Variants in TSPAN5 observed in about 807,000 individuals in gnomAD.
TSPAN5 encodes tetraspanin 5.
TSPAN5 carries 10 observed loss-of-function variants against 37.1 expected under a neutral mutation model. The ratio of observed to expected loss-of-function variants is 0.27; its 90% confidence interval spans 0.17 to 0.46. TSPAN5 has a LOEUF of 0.46. TSPAN5 is among the 20% of genes least tolerant of loss of function. The pLI is 1.00. For synonymous variants in TSPAN5, 110 were observed against 118.9 expected, an observed-to-expected ratio of 0.93 and a Z score of 0.48; for missense variants, 195 against 326.6, an observed-to-expected ratio of 0.60 and a Z score of 3.11.
intron 1 of TSPAN5, among the ~76,000 whole-genome samples, chr4:98,508,073 C>A (rs1263835441): frequency 6.6e-6 from 1 of 152,056 alleles, no homozygotes; most frequent in Non-Finnish European, 1.5e-5. Context: ...GGCCTGTGGT[C>A]ACTAGAAAAT....
chr4:98,583,737 T>C (rs1755421617), intron 1 of TSPAN5, among the ~76,000 whole-genome samples: 1 of 152,148 alleles, frequency 6.6e-6, no homozygotes, highest in Admixed American at 6.5e-5. Flanking sequence ...TCCTCATGGG[T>C]GATTTGGGAA....
At chr4:98,632,867 C>A (rs114060462) in intron 1 of TSPAN5, among the ~76,000 whole-genome samples, 1,530 of 152,058 alleles carry the variant, frequency 0.01, 22 homozygotes, top group African/African-American at 0.035. Context: ...AAGCACAGAC[C>A]GGGAGGATTT....
chr4:98,511,129 G>A (rs1367424947), intron 1 of TSPAN5, among the ~76,000 whole-genome samples: 1 of 152,092 alleles, frequency 6.6e-6, no homozygotes, highest in African/African-American at 2.4e-5. Flanking sequence ...ATATATCTGA[G>A]GCATCTTATC....
chr4:98,475,762 G>A (rs938838248), intron 7 of TSPAN5, among the ~76,000 whole-genome samples: 1 of 152,280 alleles, frequency 6.6e-6, no homozygotes, highest in East Asian at 1.9e-4. Flanking sequence ...GGCCGAGATG[G>A]GCGGATCACG....
At chr4:98,613,864 C>A (rs565066264) in intron 1 of TSPAN5, among the ~76,000 whole-genome samples, 2 of 151,926 alleles carry the variant, frequency 1.3e-5, no homozygotes, top group Non-Finnish European at 2.9e-5. Context: ...TCAAAGATTC[C>A]CCCCCCAAAA....
chr4:98,608,368 A>T (rs1382902700), intron 1 of TSPAN5, among the ~76,000 whole-genome samples: 1 of 152,126 alleles, frequency 6.6e-6, no homozygotes, highest in Non-Finnish European at 1.5e-5. Flanking sequence ...GCATTCACAG[A>T]CCCCTGGCCC....
chr4:98,529,170 C>T (rs1318740289), intron 1 of TSPAN5, among the ~76,000 whole-genome samples: 1 of 152,214 alleles, frequency 6.6e-6, no homozygotes, highest in African/African-American at 2.4e-5. Flanking sequence ...TGCAGGTCTG[C>T]CCTTACATCC....
intron 1 of TSPAN5, among the ~76,000 whole-genome samples, chr4:98,657,206 A>AAAAC (rs963676266): frequency 3.3e-5 from 5 of 152,194 alleles, no homozygotes; most frequent in African/African-American, 7.2e-5. Context: ...GAAAAGAATC[A>AAAAC]AAACAAACAA....
chr4:98,598,209 T>A (rs1309140072), intron 1 of TSPAN5, among the ~76,000 whole-genome samples: 2 of 141,108 alleles, frequency 1.4e-5, no homozygotes, highest in Non-Finnish European at 3.0e-5. Context: ...TCCAGGTGCG[T>A]CCGTCACCCC....
chr4:98,503,729 T>C (rs1456281761), intron 2 of TSPAN5, among the ~76,000 whole-genome samples: 2 of 152,180 alleles, frequency 1.3e-5, no homozygotes, highest in Non-Finnish European at 2.9e-5. Context: ...CTGGATAAAC[T>C]CCATGAAGAC....
At chr4:98,577,494 A>C (rs192452541) in intron 1 of TSPAN5, among the ~76,000 whole-genome samples, 275 of 152,164 alleles carry the variant, frequency 1.8e-3, no homozygotes, top group African/African-American at 6.3e-3. Flanking sequence ...TGAAGGACCT[A>C]CCATTACATA....
intron 3 of TSPAN5, chr4:98,484,040 T>G: frequency 2.1e-5 from 4 of 188,990 alleles, no homozygotes; most frequent in South Asian, 2.1e-4. Flanking sequence ...GGGAAAGATT[T>G]TAATTCAGTT....
chr4:98,631,048 C>T (rs1756734628), intron 1 of TSPAN5, among the ~76,000 whole-genome samples: 1 of 152,170 alleles, frequency 6.6e-6, no homozygotes, highest in South Asian at 2.1e-4. Flanking sequence ...ACACAAGATG[C>T]CAGAACTTGA....
At chr4:98,562,002 C>T (rs778619449) in intron 1 of TSPAN5, among the ~76,000 whole-genome samples, 2 of 152,190 alleles carry the variant, frequency 1.3e-5, no homozygotes, top group Admixed American at 1.3e-4. Flanking sequence ...AATAGTCCAG[C>T]CCCCTCAAAA....
At chr4:98,514,474 A>G (rs1316295808) in intron 1 of TSPAN5, among the ~76,000 whole-genome samples, 1 of 152,216 alleles carries the variant, frequency 6.6e-6, no homozygotes, top group Non-Finnish European at 1.5e-5. Context: ...GGAAAATTCA[A>G]TATGCAGAAA....
intron 1 of TSPAN5, among the ~76,000 whole-genome samples, chr4:98,584,684 T>C (rs1413530406): frequency 6.6e-6 from 1 of 152,238 alleles, no homozygotes; most frequent in Admixed American, 6.5e-5. Flanking sequence ...TGCCTCAGGC[T>C]AACTTGTTCT....
intron 1 of TSPAN5, among the ~76,000 whole-genome samples, chr4:98,639,299 T>C (rs1232813546): frequency 2.0e-5 from 3 of 152,142 alleles, no homozygotes; most frequent in African/African-American, 4.8e-5. Flanking sequence ...ATCTTATCTA[T>C]GTTATCTATC....
chr4:98,633,407 A>G (rs1756790145), intron 1 of TSPAN5, among the ~76,000 whole-genome samples: 1 of 152,192 alleles, frequency 6.6e-6, no homozygotes, highest in Admixed American at 6.5e-5. Context: ...CTGTTCAGTT[A>G]TGTCACCCAA....
At chr4:98,642,065 T>C (rs543652775) in intron 1 of TSPAN5, among the ~76,000 whole-genome samples, 22 of 152,306 alleles carry the variant, frequency 1.4e-4, no homozygotes, top group African/African-American at 4.6e-4. Flanking sequence ...TAAAGCATAG[T>C]TCTAATACTT....
Sources: gnomAD v4.1 joint callset for allele counts (sites outside exome capture counted in the v4.1 genomes callset) on GRCh38, gnomAD v4.1.1 for gene constraint, MANE v1.5 for transcripts, NCBI Gene and HGNC (gene_info 2026-07-23, HGNC 2026-07-21) for gene names.